The following DMXL2 variants were observed in gnomAD, a reference collection of about 807,000 sequenced individuals.
DMXL2 encodes the protein Dmx like 2.
A neutral mutation model predicts 331.1 loss-of-function variants in DMXL2; 103 were observed. The ratio of observed to expected loss-of-function variants is 0.31; its 90% confidence interval spans 0.27 to 0.37. The LOEUF is 0.37. Ranked by LOEUF, DMXL2 falls within the 10% of genes least tolerant of loss-of-function variation. The probability of loss-of-function intolerance (pLI) is 1.00; values close to 1 mark genes in which losing one functional copy is unlikely to be tolerated. For synonymous variants in DMXL2, 1,281 were observed against 1,252.1 expected (o/e 1.02, Z -0.49); for missense variants, 3,171 against 3,642.9 (o/e 0.87, Z 3.33).
chr15:51,591,807 G>C (rs1043470410), intron 1 of DMXL2, among the ~76,000 whole-genome samples: 1 of 152,182 alleles, frequency 6.6e-6, no homozygotes, highest in East Asian at 1.9e-4. Context: ...GGCAAACAGG[G>C]TCTGGAGTGG....
intron 13 of DMXL2, among the ~76,000 whole-genome samples, chr15:51,528,044 T>TTA (rs2047779704): frequency 6.6e-6 from 1 of 151,490 alleles, no homozygotes. Flanking sequence ...AAGGTAATAT[T>TTA]TGCAAGCTTC....
intron 20 of DMXL2, among the ~76,000 whole-genome samples, chr15:51,489,530 G>A (rs1387001695): frequency 6.6e-6 from 1 of 151,958 alleles, no homozygotes; most frequent in East Asian, 1.9e-4. Flanking sequence ...GGTGGCGCAC[G>A]CCTGTAGTCC....
At position 51,481,550 on chromosome 15, in the gene DMXL2, T is replaced by G. The variant is rs200716663; in HGVS notation, c.5556A>C (p.Arg1852=). The G allele has an allele frequency of 6.2e-7, 1 of 1,610,746 alleles. No homozygotes were observed. Among genetic ancestry groups the G allele is most frequent in the African/African-American group, 1.3e-5 (1 of 74,588 alleles). ...TTCCTTCAGGGGAGGCAAGATTTCTTCGAATGAGCAAAGGATGAGTTCGAA... is the reference window on the plus strand; with the variant it reads ...TTCCTTCAGGGGAGGCAAGATTTCTGCGAATGAGCAAAGGATGAGTTCGAA... ...NYLRTHPLLI[R]RNLASPEGTL... Residue 1852 remains arginine, a synonymous_variant, in exon 24 of 44, where the codon CGA becomes CGC. Transcript: ENST00000560891.
intron 13 of DMXL2, among the ~76,000 whole-genome samples, chr15:51,526,469 C>T (rs2047683155): frequency 2.0e-5 from 3 of 152,160 alleles, no homozygotes; most frequent in Non-Finnish European, 4.4e-5. Flanking sequence ...ACAACAAATA[C>T]CTAACTCCTC....
chr15:51,448,874 TAC>T lies in DMXL2; in HGVS notation c.*108_*109del, dbSNP rs1190720147. The T allele has an allele frequency of 4.5e-6, 5 of 1,114,538 alleles. No homozygotes were observed. In the Admixed American group the frequency reaches 6.7e-5, roughly 15 times the overall value. The allele number at this position is 1,114,538 out of a possible 1,614,324, so 69.0% of individuals were successfully genotyped here. On this transcript the variant is annotated 3_prime_UTR_variant, in exon 44 of 44. Transcript: ENST00000560891. Reference sequence around the variant, plus strand: ...CTCAGCTTGGGTCATATTCAAATTCTACACAGAGATTCTCTGTTTTCAATACA... The same window carrying T: ...CTCAGCTTGGGTCATATTCAAATTCTACAGAGATTCTCTGTTTTCAATACA...
intron 1 of DMXL2, 27 bp from the exon 2 acceptor site, chr15:51,576,208 T>C: frequency 1.2e-6 from 1 of 857,686 alleles, no homozygotes; most frequent in Non-Finnish European, 1.5e-6. Context: ...AAAAAAGTTT[T>C]ACAATACATA....
Position 51,458,582 on chromosome 15 carries a change from C to G in DMXL2, c.8122G>C (p.Glu2708Gln). The change falls in exon 36 of 44, where the codon GAA (glutamate) becomes CAA (glutamine). Residue 2708 changes from glutamate (E) to glutamine (Q), a missense_variant. Coordinates refer to ENST00000560891, the MANE Select transcript of DMXL2 (RefSeq NM_001378457.1). Reference sequence around the variant, plus strand: ...GCCAGTAGAGAAGTAACATCAAGTTCTTGAACATCATGTGTTGAAGCCAAA... The same window carrying G: ...GCCAGTAGAGAAGTAACATCAAGTTGTTGAACATCATGTGTTGAAGCCAAA... ...IVLASTHDVQ[E>Q]LDVTSLLACQ... 6.2e-7 allele frequency: 1 copy of G among 1,613,914 alleles called. No individual in the cohort carries two copies. Among genetic ancestry groups the G allele is most frequent in the Non-Finnish European group, 8.5e-7 (1 of 1,179,868 alleles).
At chr15:51,515,232 C>T (rs1033673066) in intron 14 of DMXL2, among the ~76,000 whole-genome samples, 3 of 152,052 alleles carry the variant, frequency 2.0e-5, no homozygotes, top group African/African-American at 7.2e-5. Flanking sequence ...AGAACCTTAA[C>T]AGGAACTGAA....
Position 51,574,433 on chromosome 15 carries a change from C to A in DMXL2, c.213+1623G>T, listed in dbSNP as rs562931770. Among the ~76,000 whole-genome samples the A allele has an allele frequency of 5.7e-4, 66 of 115,718 alleles. 1 individual carries two copies. The highest frequency in any genetic ancestry group is 2.3e-3 in the Admixed American group (26 of 11,338). 75.9% of individuals were successfully genotyped at this position (115,718 alleles called of 152,430 possible). A position where few individuals can be genotyped will look rare whatever the true frequency, so the allele number is the denominator to read the frequency against. On this transcript the variant is annotated intron_variant, in intron 2 of 43. Transcript: ENST00000560891. ...AATTAGGTATATATTCTTTTAAGGC[C>A]TGCCAAAAATATCCCCTGTGATTTT...
intron 22 of DMXL2, among the ~76,000 whole-genome samples, chr15:51,486,957 A>G (rs1272992760): frequency 6.6e-6 from 1 of 152,166 alleles, no homozygotes; most frequent in African/African-American, 2.4e-5. Flanking sequence ...ATAATTGTAA[A>G]AAAAAACCCA....
At chr15:51,622,390 G>A in intron 1 of DMXL2, 69 bp downstream of exon 1, 4 of 1,542,874 alleles carry the variant, frequency 2.6e-6, no homozygotes, top group Non-Finnish European at 3.5e-6. Flanking sequence ...CGTGCGCCCT[G>A]GACAGGAGGT....
rs747678752 is a variant in DMXL2 at position 51,456,409 on chromosome 15, A to G, written c.8338-40T>C. On this transcript the variant is annotated intron_variant, in intron 37 of 43. Transcript: ENST00000560891. ...TTTAAAAATTTTATTTTGTGTATGC[A>G]GAAAAGATGAGGAAGGATATGCTTC... The G allele has an allele frequency of 2.5e-6, 3 of 1,204,398 alleles. No homozygotes were observed. The African/African-American group carries it at 4.6e-5, about 19-fold the overall frequency. The allele number at this position is 1,204,398 out of a possible 1,614,324, so 74.6% of individuals were successfully genotyped here.
At chr15:51,472,380 C>T (rs1250955304) in intron 28 of DMXL2, among the ~76,000 whole-genome samples, 8 of 152,134 alleles carry the variant, frequency 5.3e-5, no homozygotes, top group Admixed American at 5.2e-4. Flanking sequence ...GCAAATTTTA[C>T]ATAAAATAAA....
intron 28 of DMXL2, among the ~76,000 whole-genome samples, chr15:51,473,275 T>C (rs149710368): frequency 6.6e-6 from 1 of 152,348 alleles, no homozygotes; most frequent in East Asian, 1.9e-4. Context: ...TGAAATATCT[T>C]TGTTAATTGC....
intron 2 of DMXL2, among the ~76,000 whole-genome samples, chr15:51,573,489 A>G (rs1180286891): frequency 3.9e-5 from 6 of 152,232 alleles, no homozygotes; most frequent in Admixed American, 3.9e-4. Context: ...AATGTGGCAC[A>G]TATACACCAT....
rs751542239 is a variant in DMXL2 at position 51,450,339 on chromosome 15, C to T, written c.8757G>A (p.Thr2919=). The change falls in exon 43 of 44, where the codon ACG becomes ACA. Residue 2919 remains threonine, a synonymous_variant. Coordinates refer to ENST00000560891, the MANE Select transcript of DMXL2 (RefSeq NM_001378457.1). The part of the protein sequence containing the change: ...SPGNSLIHGF[T]CHDHGATVLQ... Reference sequence around the variant, plus strand: ...GTACCGTGGCACCATGATCGTGGCACGTGAAACCTGAAGAAGAAAAACATC... The same window carrying T: ...GTACCGTGGCACCATGATCGTGGCATGTGAAACCTGAAGAAGAAAAACATC... The T allele has an allele frequency of 1.1e-5, 18 of 1,613,628 alleles. No individual in the cohort carries two copies. Among genetic ancestry groups the T allele is most frequent in the Admixed American group, 8.3e-5 (5 of 59,970 alleles).
At chr15:51,510,774 G>C (rs2046708665) in intron 15 of DMXL2, among the ~76,000 whole-genome samples, 1 of 152,020 alleles carries the variant, frequency 6.6e-6, no homozygotes, top group Non-Finnish European at 1.5e-5. Flanking sequence ...GAGGCATCAC[G>C]CTACCTGACT....
At chr15:51,523,591 A>T (rs1052782063) in intron 13 of DMXL2, among the ~76,000 whole-genome samples, 12 of 152,234 alleles carry the variant, frequency 7.9e-5, no homozygotes, top group African/African-American at 2.9e-4. Context: ...AGTAGGTGCA[A>T]AATCTAATGA....
In DMXL2 at chr15:51,455,302, TCACTAAGGCCC is replaced by T. The variant is rs2039524326; in HGVS notation, c.8527-85_8527-75del. On this transcript the variant is annotated intron_variant, in intron 39 of 43. Coordinates refer to ENST00000560891, the MANE Select transcript of DMXL2 (RefSeq NM_001378457.1). ...AAAGGTAAAAACATGGAAGGAAGATTCACTAAGGCCCTACTAAATAAACATTCTGCCTCTAA... is the reference window on the plus strand; with the variant it reads ...AAAGGTAAAAACATGGAAGGAAGATTTACTAAATAAACATTCTGCCTCTAA... 4.1e-6 allele frequency: 5 copies of T among 1,206,736 alleles called. No homozygotes were observed. In the East Asian group the frequency reaches 1.2e-4, roughly 28 times the overall value. 74.8% of individuals were successfully genotyped at this position (1,206,736 alleles called of 1,614,324 possible). A position where few individuals can be genotyped will look rare whatever the true frequency, so the allele number is the denominator to read the frequency against.
Sources: gnomAD v4.1 joint callset for allele counts (sites outside exome capture counted in the v4.1 genomes callset) on GRCh38, gnomAD v4.1.1 for gene constraint, MANE v1.5 for transcripts, NCBI Gene and HGNC (gene_info 2026-07-23, HGNC 2026-07-21) for gene names.